Variants in PIEZO2 observed in about 807,000 individuals in gnomAD.
The protein encoded by PIEZO2 is piezo-type mechanosensitive ion channel component 2.
In PIEZO2, 172 loss-of-function variants were observed where a neutral mutation model predicts 337.3. The ratio of observed to expected loss-of-function variants is 0.51; its 90% CI spans 0.45 to 0.58. The LOEUF (loss-of-function observed/expected upper bound fraction) is 0.58. Among genes scored for constraint, PIEZO2 ranks in the 20% least tolerant of loss-of-function variants. The pLI is 0.00. For missense variants in PIEZO2, 3,028 were observed against 3,391.3 expected (o/e 0.89, Z 2.66); for synonymous variants, 1,251 against 1,228.5 (o/e 1.02, Z -0.38).
At chr18:10,803,741 TA>T in intron 9 of PIEZO2, 133 bp downstream of exon 9, 1 of 1,160,358 alleles carries the variant, frequency 8.6e-7, no homozygotes, top group Non-Finnish European at 1.2e-6. Context: ...CTAACTCTCC[TA>T]AATCACTGTT....
rs2143842283 is a variant in PIEZO2 at position 10,759,479 on chromosome 18, TACAG to T, written c.3756_3757+2del. Reference sequence around the variant, plus strand: ...TCTGTGGCCCTGCAGTGGAAACACTTACAGACGAGAAACACAGGGTTGGGCCGCA... The same window carrying T: ...TCTGTGGCCCTGCAGTGGAAACACTTACGAGAAACACAGGGTTGGGCCGCA... On this transcript the variant is annotated splice_donor_variant and coding_sequence_variant, in exon 26 of 56. Transcript: ENST00000674853. LOFTEE classifies it high-confidence loss of function. The surrounding 1 kb of genome is among the most constrained non-coding windows in gnomAD (Gnocchi z 5.5). The T allele has an allele frequency of 6.5e-7, 1 of 1,535,440 alleles. No individual in the cohort carries two copies. Among genetic ancestry groups the T allele is most frequent in the Middle Eastern group, 1.8e-4 (1 of 5,650 alleles).
intron 43 of PIEZO2, among the ~76,000 whole-genome samples, chr18:10,700,783 C>G (rs1046229940): frequency 6.6e-6 from 1 of 152,106 alleles, no homozygotes; most frequent in African/African-American, 2.4e-5. Flanking sequence ...TAAATAAATT[C>G]AAGTAATTAA....
intron 2 of PIEZO2, among the ~76,000 whole-genome samples, chr18:11,057,878 T>A (rs1019134788): frequency 6.6e-6 from 1 of 152,256 alleles, no homozygotes; most frequent in East Asian, 1.9e-4. Flanking sequence ...TAACTGCTGA[T>A]CATCTTCTTT....
intron 47 of PIEZO2, among the ~76,000 whole-genome samples, chr18:10,695,602 T>C (rs2035046053): frequency 6.6e-6 from 1 of 152,130 alleles, no homozygotes; most frequent in African/African-American, 2.4e-5. Flanking sequence ...ATGTGGAGAC[T>C]CTATCATCTG....
Position 10,815,463 on chromosome 18 carries a change from G to A in PIEZO2, c.918-8189C>T, listed in dbSNP as rs1203784491. 1.3e-5 allele frequency among the ~76,000 whole-genome samples: 2 copies of A among 152,154 alleles called. No individual in the cohort carries two copies. Among genetic ancestry groups the A allele is most frequent in the African/African-American group, 2.4e-5 (1 of 41,432 alleles). ...GGTAATGTGAAGACCAGAAATGATA[G>A]GCATACGACTTTTGAACTGCTTTTC... On this transcript the variant is annotated intron_variant, in intron 7 of 55. Transcript: ENST00000674853. This position sits in a 1 kb window ranked among gnomAD's most constrained non-coding sequence, Gnocchi z 4.1.
rs1507054 is a variant in PIEZO2, at chr18:11,035,369, C to T, written c.160+30758G>A. On this transcript the variant is annotated intron_variant, in intron 2 of 55. Coordinates refer to ENST00000674853, the MANE Select transcript of PIEZO2 (RefSeq NM_001378183.1). This position sits in a 1 kb window ranked among gnomAD's most constrained non-coding sequence, Gnocchi z 4.3. ...TCTCATTCCCTCTCTCACCATGCAA[C>T]AGGCTTGCCCCCTCCTTGCCTTCCA... Among the ~76,000 whole-genome samples the T allele has an allele frequency of 0.25, 37,358 of 151,934 alleles. 4,727 individuals carry two copies. Among genetic ancestry groups the T allele is most frequent in the East Asian group, 0.37 (1,878 of 5,138 alleles).
chr18:11,072,502 G>A (rs559983445), intron 1 of PIEZO2, among the ~76,000 whole-genome samples: 23 of 152,192 alleles, frequency 1.5e-4, no homozygotes, highest in African/African-American at 5.1e-4. Context: ...TCACATGATT[G>A]TACCATCTTA....
Position 10,786,639 on chromosome 18 carries a change from C to T in PIEZO2, c.2318+397G>A, listed in dbSNP as rs140980811. 2.5e-3 allele frequency among the ~76,000 whole-genome samples: 385 copies of T among 152,264 alleles called. 2 individuals carry two copies. The highest frequency in any genetic ancestry group is 8.7e-3 in the African/African-American group (362 of 41,548). On this transcript the variant is annotated intron_variant, in intron 16 of 55. Transcript: ENST00000674853. Reference sequence around the variant, plus strand: ...CTTGGAGAAATTTATTTCTTTTTGGCGCTAAATACTCCTTAGAATCTAAGC... The same window carrying T: ...CTTGGAGAAATTTATTTCTTTTTGGTGCTAAATACTCCTTAGAATCTAAGC...
intron 18 of PIEZO2, among the ~76,000 whole-genome samples, chr18:10,774,600 C>G (rs2038722896): frequency 6.6e-6 from 1 of 152,196 alleles, no homozygotes; most frequent in African/African-American, 2.4e-5. Flanking sequence ...GAGAGAGCTT[C>G]CGGTGAGCCC....
intron 1 of PIEZO2, among the ~76,000 whole-genome samples, chr18:11,076,709 A>T (rs1178045480): frequency 2.0e-5 from 3 of 152,242 alleles, no homozygotes; most frequent in Non-Finnish European, 4.4e-5. Flanking sequence ...TATATTAGTA[A>T]CAGTACATAT....
chr18:10,965,028 T>G (rs1187891713), intron 3 of PIEZO2, among the ~76,000 whole-genome samples: 1 of 152,222 alleles, frequency 6.6e-6, no homozygotes, highest in Admixed American at 6.5e-5. Flanking sequence ...TCTAATCTAT[T>G]TTTTCTATTT....
chr18:11,037,000 C>CT (rs1278258153), intron 2 of PIEZO2, among the ~76,000 whole-genome samples: 1 of 152,142 alleles, frequency 6.6e-6, no homozygotes, highest in Non-Finnish European at 1.5e-5. Flanking sequence ...GAGCGAGACT[C>CT]TGTCGCCCAG....
intron 1 of PIEZO2, 49 bp from the exon 2 acceptor site, chr18:11,066,271 G>C (rs1242257265): frequency 6.9e-7 from 1 of 1,454,656 alleles, no homozygotes; most frequent in Admixed American, 2.0e-5. Context: ...AACAAAGGCA[G>C]GTTGACAAAA....
chr18:10,891,194 C>A (rs79265481), intron 4 of PIEZO2, among the ~76,000 whole-genome samples: 1 of 151,914 alleles, frequency 6.6e-6, no homozygotes, highest in African/African-American at 2.4e-5. Flanking sequence ...TGTGGTGGTG[C>A]GCACCTGTAA....
intron 5 of PIEZO2, 95 bp downstream of exon 5, chr18:10,871,158 C>T: frequency 7.9e-7 from 1 of 1,260,186 alleles, no homozygotes; most frequent in South Asian, 1.5e-5. Context: ...ATAACGTGCT[C>T]TGTATGCTCA....
At chr18:10,758,448 T>TTG (rs756862482) in intron 26 of PIEZO2, among the ~76,000 whole-genome samples, 176 of 151,686 alleles carry the variant, frequency 1.2e-3, no homozygotes, top group Non-Finnish European at 2.0e-3. Context: ...GGTAACATTT[T>TTG]TGTGTGTGTG....
chr18:10,855,269 C>T lies in PIEZO2; in HGVS notation c.917+84G>A. The T allele has an allele frequency of 2.5e-6, 3 of 1,212,250 alleles. No individual in the cohort carries two copies. The highest frequency in any genetic ancestry group is 3.5e-6 in the Non-Finnish European group (3 of 862,642). The allele number at this position is 1,212,250 out of a possible 1,614,324, so 75.1% of individuals were successfully genotyped here. ...CAATTGCCTGCCATCAAGAATAACC[C>T]CTGTAAATTCACAATGCCAAACCAA... is the stretch of plus-strand genomic sequence containing the variant. On this transcript the variant is annotated intron_variant, in intron 7 of 55. Transcript: ENST00000674853. The surrounding 1 kb of genome is among the most constrained non-coding windows in gnomAD (Gnocchi z 4.9).
At position 10,718,065 on chromosome 18, in the gene PIEZO2, G is replaced by A. The variant is rs866571989; in HGVS notation, c.5089+135C>T. The A allele has an allele frequency of 2.1e-5, 16 of 762,040 alleles. No individual in the cohort carries two copies. In the African/African-American group the frequency reaches 2.8e-4, roughly 13 times the overall value. The allele number at this position is 762,040 out of a possible 1,614,324, so 47.2% of individuals were successfully genotyped here. A position where few individuals can be genotyped will look rare whatever the true frequency, so the allele number is the denominator to read the frequency against. On this transcript the variant is annotated intron_variant, in intron 37 of 55. Transcript: ENST00000674853. ...TTTCAGTGGAGATGAGATTCCAAGG[G>A]ATACTGATTATTTACTCATAGTCCA...
intron 2 of PIEZO2, among the ~76,000 whole-genome samples, chr18:11,045,418 T>C (rs1298618177): frequency 1.3e-5 from 2 of 151,278 alleles, no homozygotes; most frequent in Admixed American, 6.6e-5. Flanking sequence ...ATGTAACACA[T>C]GTATTTTCTC....
Sources: gnomAD v4.1 joint callset for allele counts (sites outside exome capture counted in the v4.1 genomes callset) on GRCh38, gnomAD v4.1.1 for gene constraint, Gnocchi (gnomAD v3.1) non-coding constraint, MANE v1.5 for transcripts, NCBI Gene and HGNC (gene_info 2026-07-23, HGNC 2026-07-21) for gene names.